DSCC1: variants seen among roughly 807,000 people sequenced by gnomAD.
The protein encoded by DSCC1 is DNA replication and sister chromatid cohesion 1.
In DSCC1, 32 loss-of-function variants were observed where a neutral mutation model predicts 48.2. The ratio of observed to expected loss-of-function variants is 0.66; its 90% CI spans 0.50 to 0.89. The LOEUF (loss-of-function observed/expected upper bound fraction) is 0.89, where lower values mean the gene tolerates loss of function less well. Among genes scored for constraint, DSCC1 ranks in the 40% least tolerant of loss-of-function variants. The pLI is 0.00. For synonymous variants in DSCC1, 150 were observed against 171.5 expected (o/e 0.87, Z 0.98); for missense variants, 421 against 471.7 (o/e 0.89, Z 1.00).
Position 119,838,270 on chromosome 8 carries a change from A to G in DSCC1, c.1062T>C (p.Ala354=), listed in dbSNP as rs758563416. ...AATAAATTACTTACTGAATATATGG[A>G]GCAATATCTTCTTCTGTCCACTTCT... ...LREKWTEEDI[A]PYIQDLCGEK... is the part of the protein sequence containing the mutation. The change falls in exon 8 of 9, where the codon GCT becomes GCC. Residue 354 remains alanine, a synonymous_variant. Transcript: ENST00000313655. 1.3e-6 allele frequency: 2 copies of G among 1,590,250 alleles called. No homozygotes were observed. Among genetic ancestry groups the G allele is most frequent in the East Asian group, 2.3e-5 (1 of 44,398 alleles).
At chr8:119,842,544 A>G (rs1336120795) in intron 6 of DSCC1, among the ~76,000 whole-genome samples, 1 of 151,812 alleles carries the variant, frequency 6.6e-6, no homozygotes, top group East Asian at 1.9e-4. Flanking sequence ...TGCCACACCC[A>G]GCTAATTTTT....
intron 7 of DSCC1, chr8:119,839,378 C>G (rs1402351691): frequency 6.6e-6 from 1 of 152,278 alleles, no homozygotes; most frequent in Non-Finnish European, 1.5e-5. Context: ...GAGGCATCAG[C>G]TTTGATTCCA....
At chr8:119,850,148 AAG>A (rs1826923536) in intron 3 of DSCC1, among the ~76,000 whole-genome samples, 1 of 152,210 alleles carries the variant, frequency 6.6e-6, no homozygotes, top group Admixed American at 6.5e-5. Flanking sequence ...GAAGGATAGA[AAG>A]GGGATAGAAG....
chr8:119,850,619 G>A, intron 2 of DSCC1, 103 bp from the exon 3 acceptor site: 2 of 1,057,194 alleles, frequency 1.9e-6, no homozygotes, highest in Admixed American at 3.3e-5. Context: ...TACAAAGGAA[G>A]CTCCAAGGTA....
rs1826620940 is a variant in DSCC1 at position 119,834,065 on chromosome 8, C to G, written c.*828G>C. The G allele has an allele frequency of 6.6e-6, 1 of 152,216 alleles. No individual in the cohort carries two copies. Among genetic ancestry groups the G allele is most frequent in the Admixed American group, 6.5e-5 (1 of 15,276 alleles). 9.4% of individuals were successfully genotyped at this position (152,216 alleles called of 1,614,324 possible). On this transcript the variant is annotated 3_prime_UTR_variant, in exon 9 of 9. Transcript: ENST00000313655. ...CAATAAAACTTGTAAACTTCAGTAACAGTTAAACCTTCTTTAATTATGGAT... is the reference window on the plus strand; with the variant it reads ...CAATAAAACTTGTAAACTTCAGTAAGAGTTAAACCTTCTTTAATTATGGAT...
At chr8:119,836,825 G>C (rs1444327525) in intron 8 of DSCC1, among the ~76,000 whole-genome samples, 1 of 151,938 alleles carries the variant, frequency 6.6e-6, no homozygotes, top group Admixed American at 6.6e-5. Flanking sequence ...AATAGACCTG[G>C]AGCACTCCAA....
intron 8 of DSCC1, among the ~76,000 whole-genome samples, chr8:119,838,036 T>C (rs1345295226): frequency 6.6e-6 from 1 of 152,080 alleles, no homozygotes; most frequent in Non-Finnish European, 1.5e-5. Context: ...AGCAGAGAAG[T>C]GGTTTTAGAA....
chr8:119,854,241 A>C (rs1826984341), intron 1 of DSCC1, among the ~76,000 whole-genome samples: 1 of 152,176 alleles, frequency 6.6e-6, no homozygotes, highest in South Asian at 2.1e-4. Flanking sequence ...CCCAAAAAAA[A>C]GATAAAGAAA....
At chr8:119,843,849 T>G in intron 4 of DSCC1, 102 bp from the exon 5 acceptor site, 5 of 1,200,680 alleles carry the variant, frequency 4.2e-6, no homozygotes, top group Non-Finnish European at 5.8e-6. Context: ...TGATCTCAGC[T>G]CATCGCAACC....
Position 119,853,228 on chromosome 8 carries a change from G to C in DSCC1, c.183-13C>G. On this transcript the variant is annotated splice_polypyrimidine_tract_variant and intron_variant, in intron 1 of 8. Transcript: ENST00000313655. The stretch of plus-strand genomic sequence containing the variant: ...ACGAATCACAAGACTGTAGCAAAAT[G>C]GGGGAAAAATATATAGTTTATTGAC... 1.3e-6 allele frequency: 2 copies of C among 1,594,638 alleles called. No homozygotes were observed. The highest frequency in any genetic ancestry group is 1.3e-5 in the African/African-American group (1 of 74,452).
intron 3 of DSCC1, among the ~76,000 whole-genome samples, chr8:119,849,655 A>T (rs1826917008): frequency 1.3e-5 from 2 of 152,208 alleles, no homozygotes; most frequent in African/African-American, 4.8e-5. Flanking sequence ...TGGGGTTATA[A>T]AAATGTTCTA....
rs538605286 is a variant in DSCC1, at chr8:119,838,011, T to G, written c.1073+248A>C. Among the ~76,000 whole-genome samples, 4 of 152,162 alleles carry G rather than the reference T, an allele frequency of 2.6e-5. No homozygotes were observed. In the South Asian group the frequency reaches 8.3e-4, roughly 32 times the overall value. ...GTATTTTGTCCCTCAAAGGGGACAG[T>G]TTTCCAGGAATGAGAGCAGAGAAGT... is the stretch of plus-strand genomic sequence containing the variant. On this transcript the variant is annotated intron_variant, in intron 8 of 8. Coordinates refer to ENST00000313655, the MANE Select transcript of DSCC1 (RefSeq NM_024094.3).
intron 1 of DSCC1, among the ~76,000 whole-genome samples, chr8:119,854,047 A>T (rs1826979623): frequency 6.6e-6 from 1 of 152,124 alleles, no homozygotes; most frequent in Non-Finnish European, 1.5e-5. Context: ...CCATCACTAC[A>T]AAAGAAAAAT....
chr8:119,836,358 A>G (rs1201946720), intron 8 of DSCC1, among the ~76,000 whole-genome samples: 2 of 152,218 alleles, frequency 1.3e-5, no homozygotes, highest in African/African-American at 4.8e-5. Flanking sequence ...GAAGATGAGC[A>G]GTGGATATAT....
chr8:119,845,826 G>A (rs1477706793), intron 4 of DSCC1, among the ~76,000 whole-genome samples: 3 of 152,004 alleles, frequency 2.0e-5, no homozygotes, highest in Admixed American at 2.0e-4. Flanking sequence ...GCGCATGACT[G>A]TAACCCCAGC....
At chr8:119,853,647 G>C (rs1357908085) in intron 1 of DSCC1, among the ~76,000 whole-genome samples, 1 of 152,198 alleles carries the variant, frequency 6.6e-6, no homozygotes, top group African/African-American at 2.4e-5. Flanking sequence ...GGATACACTG[G>C]GTCTAGGATG....
chr8:119,836,043 C>T lies in DSCC1; in HGVS notation c.1074-1042G>A, dbSNP rs1444326261. ...AAATAATGGAGGTGGCCGGGCGCGG[C>T]GGCTCATGCCTGTAATCCCAGCACT... On this transcript the variant is annotated intron_variant, in intron 8 of 8. Transcript: ENST00000313655. 4.6e-5 allele frequency among the ~76,000 whole-genome samples: 7 copies of T among 152,122 alleles called. No individual in the cohort carries two copies. In the South Asian group the frequency reaches 8.3e-4, roughly 18 times the overall value.
chr8:119,847,957 G>A (rs1231885115), intron 3 of DSCC1, among the ~76,000 whole-genome samples: 7 of 151,704 alleles, frequency 4.6e-5, no homozygotes, highest in Admixed American at 1.3e-4. Flanking sequence ...GAGCCACCCC[G>A]CCTGGCCTCT....
At chr8:119,835,868 T>G (rs1469148187) in intron 8 of DSCC1, among the ~76,000 whole-genome samples, 1 of 152,118 alleles carries the variant, frequency 6.6e-6, no homozygotes, top group Admixed American at 6.6e-5. Flanking sequence ...GAGGGAGGAA[T>G]AGGAGGACGT....
Sources: gnomAD v4.1 joint callset for allele counts (sites outside exome capture counted in the v4.1 genomes callset) on GRCh38, gnomAD v4.1.1 for gene constraint, MANE v1.5 for transcripts, NCBI Gene and HGNC (gene_info 2026-07-23, HGNC 2026-07-21) for gene names.